The following CLSTN2 variants were observed in gnomAD, a reference collection of about 807,000 sequenced individuals.
CLSTN2 encodes the protein calsyntenin 2.
Under a neutral mutation model 101.2 loss-of-function variants are expected in CLSTN2, and 48 were observed. The observed-to-expected ratio is 0.47, with a 90% CI of 0.38 to 0.60. The LOEUF (loss-of-function observed/expected upper bound fraction) is 0.60, where lower values mean the gene tolerates loss of function less well. Ranked by LOEUF, CLSTN2 falls within the 20% of genes least tolerant of loss-of-function variation. The probability of loss-of-function intolerance (pLI) is 0.00; values close to 1 mark genes in which losing one functional copy is unlikely to be tolerated. For missense variants in CLSTN2, 1,160 were observed against 1,238.2 expected, an observed-to-expected ratio of 0.94 and a Z score of 0.95; for synonymous variants, 481 against 463.6, an observed-to-expected ratio of 1.04 and a Z score of -0.48.
intron 1 of CLSTN2, among the ~76,000 whole-genome samples, chr3:140,123,552 T>G (rs1384596052): frequency 6.6e-6 from 1 of 152,174 alleles, no homozygotes; most frequent in Admixed American, 6.6e-5. Context: ...ATCCTTGCCC[T>G]TGTGGTTCTC....
chr3:140,465,922 A>G (rs141064129), intron 7 of CLSTN2, among the ~76,000 whole-genome samples: 378 of 152,336 alleles, frequency 2.5e-3, no homozygotes, highest in African/African-American at 8.7e-3. Context: ...GAATTGGTCA[A>G]AGAACATTTC....
chr3:140,560,510 C>T (rs1935889753), intron 12 of CLSTN2, among the ~76,000 whole-genome samples: 2 of 152,186 alleles, frequency 1.3e-5, no homozygotes, highest in African/African-American at 4.8e-5. Context: ...CTGACACTTC[C>T]AACTGCTGGT....
intron 1 of CLSTN2, among the ~76,000 whole-genome samples, chr3:140,113,960 T>C (rs941552197): frequency 6.6e-6 from 1 of 152,218 alleles, no homozygotes; most frequent in African/African-American, 2.4e-5. Context: ...CTCTGTGGGA[T>C]AACTGTGTTG....
chr3:140,240,303 TATAC>T (rs1273255928), intron 2 of CLSTN2, among the ~76,000 whole-genome samples: 5 of 141,756 alleles, frequency 3.5e-5, no homozygotes, highest in South Asian at 2.2e-4. Flanking sequence ...CATATATATA[TATAC>T]ACACACACAC....
chr3:140,178,796 C>T (rs1273115822), intron 2 of CLSTN2, among the ~76,000 whole-genome samples: 2 of 152,196 alleles, frequency 1.3e-5, no homozygotes, highest in African/African-American at 4.8e-5. Flanking sequence ...CTGCCAACTC[C>T]ATCACTCCTC....
chr3:140,309,982 G>C (rs1193112448), intron 2 of CLSTN2, among the ~76,000 whole-genome samples: 2 of 151,908 alleles, frequency 1.3e-5, no homozygotes, highest in Non-Finnish European at 2.9e-5. Flanking sequence ...ATCCTGCTAG[G>C]GCCCCTTCTA....
At chr3:140,340,424 A>G (rs1343017697) in intron 2 of CLSTN2, among the ~76,000 whole-genome samples, 2 of 152,270 alleles carry the variant, frequency 1.3e-5, no homozygotes, top group Non-Finnish European at 2.9e-5. Context: ...CTGTATACCC[A>G]TAGAATGATT....
At position 140,523,338 on chromosome 3, in the gene CLSTN2, C is replaced by T. The variant is rs554711773; in HGVS notation, c.1345-8986C>T. Among the ~76,000 whole-genome samples the T allele has an allele frequency of 2.2e-4, 34 of 152,264 alleles. No individual in the cohort carries two copies. The South Asian group carries it at 3.3e-3, about 15-fold the overall frequency. On this transcript the variant is annotated intron_variant, in intron 8 of 16. Transcript: ENST00000458420. ...AACTTAGGTTTCCATTCTTGCTACT[C>T]ATGGACTTTAAAACTCCAGCTGAGG... is the stretch of plus-strand genomic sequence containing the variant.
At chr3:139,981,027 TC>T (rs1211214531) in intron 1 of CLSTN2, among the ~76,000 whole-genome samples, 2 of 152,044 alleles carry the variant, frequency 1.3e-5, no homozygotes, top group Non-Finnish European at 2.9e-5. Context: ...GGCAGAGAAT[TC>T]CCTGCAGTTG....
At chr3:140,284,650 C>T (rs925822130) in intron 2 of CLSTN2, among the ~76,000 whole-genome samples, 1 of 152,070 alleles carries the variant, frequency 6.6e-6, no homozygotes, top group Non-Finnish European at 1.5e-5. Flanking sequence ...CTCTCAAAGT[C>T]AGTGCAAACC....
intron 1 of CLSTN2, among the ~76,000 whole-genome samples, chr3:140,105,642 G>A (rs538848253): frequency 1.3e-5 from 2 of 152,306 alleles, no homozygotes; most frequent in Non-Finnish European, 2.9e-5. Flanking sequence ...CTTATTACTG[G>A]GGAGTGTGAG....
At chr3:140,394,672 A>C (rs2088160553) in intron 2 of CLSTN2, among the ~76,000 whole-genome samples, 1 of 152,194 alleles carries the variant, frequency 6.6e-6, no homozygotes, top group Non-Finnish European at 1.5e-5. Flanking sequence ...GTAAACACGG[A>C]GGTGGTTTCT....
At chr3:140,308,040 C>A (rs2087131750) in intron 2 of CLSTN2, among the ~76,000 whole-genome samples, 1 of 152,196 alleles carries the variant, frequency 6.6e-6, no homozygotes, top group Non-Finnish European at 1.5e-5. Context: ...TGAACCACAG[C>A]ACCTCCTCCC....
At chr3:140,368,850 T>C (rs767567588) in intron 2 of CLSTN2, among the ~76,000 whole-genome samples, 5 of 152,202 alleles carry the variant, frequency 3.3e-5, no homozygotes, top group Non-Finnish European at 7.3e-5. Flanking sequence ...TACTATTCAT[T>C]TTATGTGAAC....
chr3:140,233,633 G>C (rs929582887), intron 2 of CLSTN2, among the ~76,000 whole-genome samples: 3 of 152,164 alleles, frequency 2.0e-5, no homozygotes, highest in Admixed American at 6.5e-5. Context: ...AATGGGCCAA[G>C]TTTTCCCTGC....
chr3:140,143,420 C>G (rs980355742), intron 1 of CLSTN2, among the ~76,000 whole-genome samples: 1 of 152,192 alleles, frequency 6.6e-6, no homozygotes, highest in African/African-American at 2.4e-5. Context: ...AACTCTCCTT[C>G]TGCCTTTTTG....
chr3:140,076,515 C>T (rs777908153), intron 1 of CLSTN2, among the ~76,000 whole-genome samples: 1 of 150,576 alleles, frequency 6.6e-6, no homozygotes, highest in Non-Finnish European at 1.5e-5. Context: ...ATGTGAATTT[C>T]ATGTCACTTG....
chr3:140,560,642 C>T (rs771920067), intron 12 of CLSTN2, among the ~76,000 whole-genome samples: 4 of 152,182 alleles, frequency 2.6e-5, no homozygotes, highest in African/African-American at 7.2e-5. Context: ...ACCCAGCACG[C>T]TCCCTTGTAC....
intron 2 of CLSTN2, among the ~76,000 whole-genome samples, chr3:140,394,313 T>C (rs2107972704): frequency 6.6e-6 from 1 of 152,330 alleles, no homozygotes; most frequent in South Asian, 2.1e-4. Context: ...AGAGTTGGGA[T>C]TTGAATCCAG....
Sources: gnomAD v4.1 joint callset for allele counts (sites outside exome capture counted in the v4.1 genomes callset) on GRCh38, gnomAD v4.1.1 for gene constraint, MANE v1.5 for transcripts, NCBI Gene and HGNC (gene_info 2026-07-23, HGNC 2026-07-21) for gene names.